The following COBL variants were observed in gnomAD, a reference collection of about 807,000 sequenced individuals.
COBL encodes the protein cordon-bleu WH2 repeat protein.
COBL carries 51 observed loss-of-function variants against 98.8 expected under a neutral mutation model. That is an observed-to-expected ratio of 0.52 (90% CI 0.41 to 0.65). COBL has a LOEUF of 0.65. COBL is among the 30% of genes least tolerant of loss of function. COBL has a pLI of 0.00. For synonymous variants in COBL, 634 were observed against 651.7 expected, an observed-to-expected ratio of 0.97 and a Z score of 0.41; for missense variants, 1,617 against 1,617.5, an observed-to-expected ratio of 1.00 and a Z score of 0.01.
chr7:51,119,326 T>A (rs1797547834), intron 6 of COBL, among the ~76,000 whole-genome samples: 1 of 152,138 alleles, frequency 6.6e-6, no homozygotes, highest in African/African-American at 2.4e-5. Context: ...AGCTCAATAC[T>A]AAGGGAAACA....
chr7:51,190,355 T>C (rs954429515), intron 4 of COBL, among the ~76,000 whole-genome samples: 13 of 152,044 alleles, frequency 8.6e-5, no homozygotes, highest in African/African-American at 3.1e-4. Flanking sequence ...ACTACAGGAA[T>C]GGGGATGCAC....
intron 1 of COBL, among the ~76,000 whole-genome samples, chr7:51,275,094 G>T (rs1326360733): frequency 6.6e-6 from 1 of 152,170 alleles, no homozygotes; most frequent in Non-Finnish European, 1.5e-5. Context: ...TGAAGAGGAC[G>T]GGAGAGGCTC....
chr7:51,083,186 G>A, intron 7 of COBL: 1 of 1,483,986 alleles, frequency 6.7e-7, no homozygotes, highest in Non-Finnish European at 8.9e-7. Context: ...TGGACCCCGA[G>A]CAGTGCCTCT....
intron 5 of COBL, among the ~76,000 whole-genome samples, chr7:51,168,431 G>A (rs547733828): frequency 3.5e-5 from 5 of 144,890 alleles, no homozygotes; most frequent in African/African-American, 8.0e-5. Context: ...GCGAGACTCC[G>A]TTTCAAAAAA....
At chr7:51,113,572 G>C (rs553834103) in intron 6 of COBL, among the ~76,000 whole-genome samples, 9 of 152,030 alleles carry the variant, frequency 5.9e-5, no homozygotes, top group Admixed American at 1.3e-4. Flanking sequence ...AAATGTAGAA[G>C]GCTAAATAGA....
intron 7 of COBL, among the ~76,000 whole-genome samples, chr7:51,078,793 T>C (rs1392501644): frequency 5.3e-5 from 8 of 152,202 alleles, no homozygotes; most frequent in Non-Finnish European, 4.4e-5. Flanking sequence ...CTCAAGTGGC[T>C]GTTGGCAGGT....
chr7:51,017,334 C>A lies in COBL; in HGVS notation c.*217G>T. 1.7e-6 allele frequency: 1 copy of A among 605,070 alleles called. No homozygotes were observed. Among genetic ancestry groups the A allele is most frequent in the Non-Finnish European group, 3.0e-6 (1 of 338,466 alleles). The allele number at this position is 605,070 out of a possible 1,614,324, so 37.5% of individuals were successfully genotyped here. A position where few individuals can be genotyped will look rare whatever the true frequency, so the allele number is the denominator to read the frequency against. ...CAACTTAAGATATTCAGAGGCAAAA[C>A]ACATTTCCTTGGCACACGAGCTGCG... is the stretch of plus-strand genomic sequence containing the variant. On this transcript the variant is annotated 3_prime_UTR_variant, in exon 13 of 13. Coordinates refer to ENST00000265136, the MANE Select transcript of COBL (RefSeq NM_015198.5).
chr7:51,172,160 C>A (rs1366058958), intron 5 of COBL, among the ~76,000 whole-genome samples: 1 of 152,198 alleles, frequency 6.6e-6, no homozygotes, highest in African/African-American at 2.4e-5. Flanking sequence ...TCCAAAACCA[C>A]CAGGCTACTC....
At chr7:51,019,461 C>T (rs1430726383) in intron 12 of COBL, among the ~76,000 whole-genome samples, 1 of 152,146 alleles carries the variant, frequency 6.6e-6, no homozygotes, top group African/African-American at 2.4e-5. Context: ...GTATTGGGAA[C>T]CTAATCTAGA....
At chr7:51,174,843 C>A (rs1390283821) in intron 5 of COBL, among the ~76,000 whole-genome samples, 1 of 152,204 alleles carries the variant, frequency 6.6e-6, no homozygotes, top group Admixed American at 6.5e-5. Flanking sequence ...TGAGGCTCAC[C>A]TTTTGCCCAA....
chr7:51,086,644 GA>G (rs1794284673), intron 6 of COBL, among the ~76,000 whole-genome samples: 3 of 152,070 alleles, frequency 2.0e-5, no homozygotes, highest in African/African-American at 7.2e-5. Flanking sequence ...GAGAGAGAGA[GA>G]GAGTGTGTGT....
At chr7:51,077,341 C>A (rs1304976849) in intron 7 of COBL, among the ~76,000 whole-genome samples, 1 of 152,188 alleles carries the variant, frequency 6.6e-6, no homozygotes, top group Non-Finnish European at 1.5e-5. Context: ...TTGTGACATG[C>A]AGCTTTGAGA....
chr7:51,104,985 T>G (rs2128967582), intron 6 of COBL, among the ~76,000 whole-genome samples: 1 of 151,624 alleles, frequency 6.6e-6, no homozygotes, highest in South Asian at 2.1e-4. Flanking sequence ...GGAAGAAAAT[T>G]TTGTTATTGG....
At chr7:51,244,649 T>A (rs748805784) in intron 1 of COBL, among the ~76,000 whole-genome samples, 4 of 152,130 alleles carry the variant, frequency 2.6e-5, no homozygotes, top group Admixed American at 6.6e-5. Context: ...TGCCTCAGCT[T>A]TCCCCCAGGC....
At chr7:51,135,024 G>A (rs1022378656) in intron 6 of COBL, among the ~76,000 whole-genome samples, 1 of 151,878 alleles carries the variant, frequency 6.6e-6, no homozygotes, top group Non-Finnish European at 1.5e-5. Context: ...GTGCAGTGGC[G>A]TGATCTTGGC....
At chr7:51,279,730 T>C (rs993227054) in intron 1 of COBL, among the ~76,000 whole-genome samples, 29 of 152,212 alleles carry the variant, frequency 1.9e-4, no homozygotes, top group African/African-American at 6.8e-4. Flanking sequence ...TTCATCATCA[T>C]AGTATCATAC....
chr7:51,156,229 A>G, intron 5 of COBL: 1 of 984,766 alleles, frequency 1.0e-6, no homozygotes, highest in Non-Finnish European at 1.2e-6. Context: ...ACAAGCCAAG[A>G]AGGCAAATTA....
At chr7:51,084,186 T>C (rs541422421) in intron 7 of COBL, among the ~76,000 whole-genome samples, 1 of 152,294 alleles carries the variant, frequency 6.6e-6, no homozygotes, top group Non-Finnish European at 1.5e-5. Context: ...GGAAAGACGC[T>C]GACAAACTGC....
rs141681360 is a variant in COBL, at chr7:51,043,516, T to A, written c.1273A>T (p.Ser425Cys). 6.2e-7 allele frequency: 1 copy of A among 1,614,140 alleles called. No individual in the cohort carries two copies. Among genetic ancestry groups the A allele is most frequent in the Non-Finnish European group, 8.5e-7 (1 of 1,180,046 alleles). The change falls in exon 8 of 13, where the codon AGC becomes TGC. Residue 425 changes from serine to cysteine, a missense_variant. Ser to Cys is a moderately radical substitution (Grantham distance 112). This residue lies in a region of COBL where 1,304 missense variants were observed against 1,282.0 expected (regional missense o/e 1.02). Transcript: ENST00000265136. ...GCCCACTTGTCTTTGTATTTCATGC[T>A]GTCCTGCTGCGAGTCCAGAGAGACG... ...DIVSLDSQQDSMKYKDKWATD... is the reference protein window; with the variant it reads ...DIVSLDSQQDCMKYKDKWATD...
Sources: allele counts gnomAD v4.1 joint callset (sites outside exome capture counted in the v4.1 genomes callset), GRCh38; gene constraint gnomAD v4.1.1; regional missense constraint gnomAD v4.1.1; transcripts MANE v1.5; gene names NCBI Gene and HGNC (gene_info 2026-07-23, HGNC 2026-07-21).